Variants in ELMO1 observed in about 807,000 individuals in gnomAD.
The protein encoded by ELMO1 is engulfment and cell motility protein 1.
A neutral mutation model predicts 98.9 loss-of-function variants in ELMO1; 26 were observed. The ratio of observed to expected loss-of-function variants is 0.26; its 90% CI spans 0.19 to 0.36. ELMO1 has a LOEUF of 0.36. ELMO1 is among the 10% of genes least tolerant of loss of function. The pLI, the probability that ELMO1 is intolerant of heterozygous loss-of-function variation, is 1.00. For missense variants in ELMO1, 627 were observed against 935.2 expected, an observed-to-expected ratio of 0.67 and a Z score of 4.30; for synonymous variants, 346 against 346.0, an observed-to-expected ratio of 1.00 and a Z score of 0.00.
intron 18 of ELMO1, among the ~76,000 whole-genome samples, chr7:36,884,384 T>A (rs907238444): frequency 6.6e-6 from 1 of 152,010 alleles, no homozygotes; most frequent in Non-Finnish European, 1.5e-5. Context: ...CATTAATGAA[T>A]GTTTGATAAT....
intron 14 of ELMO1, among the ~76,000 whole-genome samples, chr7:37,127,502 CCTCT>C (rs1048633596): frequency 1.3e-5 from 2 of 152,140 alleles, no homozygotes; most frequent in African/African-American, 4.8e-5. Flanking sequence ...ACTCTCTGTA[CCTCT>C]CTAAGTCCCA....
At chr7:37,385,295 TC>T (rs1463656846) in intron 1 of ELMO1, among the ~76,000 whole-genome samples, 1 of 152,208 alleles carries the variant, frequency 6.6e-6, no homozygotes, top group Non-Finnish European at 1.5e-5. Context: ...TCCATCTGCC[TC>T]TATGGTCTGG....
chr7:37,308,036 C>T (rs952029626), intron 4 of ELMO1, among the ~76,000 whole-genome samples: 1 of 152,150 alleles, frequency 6.6e-6, no homozygotes, highest in Non-Finnish European at 1.5e-5. Flanking sequence ...TTGCTTGAGC[C>T]TGGGAGATGG....
chr7:36,989,076 C>G (rs1791696140), intron 16 of ELMO1, among the ~76,000 whole-genome samples: 1 of 152,190 alleles, frequency 6.6e-6, no homozygotes, highest in African/African-American at 2.4e-5. Context: ...ATTAATCCAG[C>G]AATTAAGAAT....
chr7:37,244,273 C>A (rs1338590515), intron 7 of ELMO1, 83 bp downstream of exon 7: 2 of 1,408,530 alleles, frequency 1.4e-6, no homozygotes, highest in African/African-American at 2.9e-5. Flanking sequence ...CATAGTTATA[C>A]AATCAGTCAG....
chr7:37,062,992 T>C (rs1296211475), intron 15 of ELMO1, among the ~76,000 whole-genome samples: 1 of 152,128 alleles, frequency 6.6e-6, no homozygotes, highest in Admixed American at 6.6e-5. Flanking sequence ...AGAGAGGGAA[T>C]AACAGACACA....
chr7:37,111,943 G>C (rs1479180637), intron 14 of ELMO1, among the ~76,000 whole-genome samples: 1 of 152,154 alleles, frequency 6.6e-6, no homozygotes, highest in East Asian at 1.9e-4. Context: ...TCATAACTGA[G>C]ATTTGTTGTA....
chr7:37,212,136 G>A (rs1467432241), intron 12 of ELMO1, among the ~76,000 whole-genome samples: 1 of 152,148 alleles, frequency 6.6e-6, no homozygotes, highest in Admixed American at 6.5e-5. Context: ...ACAGAAATAT[G>A]CATATTGTCC....
chr7:36,970,001 T>C (rs1031667539), intron 16 of ELMO1, among the ~76,000 whole-genome samples: 1 of 152,132 alleles, frequency 6.6e-6, no homozygotes, highest in Non-Finnish European at 1.5e-5. Context: ...AGTCAAACTA[T>C]ACCGATAGTA....
intron 6 of ELMO1, among the ~76,000 whole-genome samples, chr7:37,251,407 T>C (rs181311152): frequency 1.9e-4 from 29 of 152,322 alleles, no homozygotes; most frequent in South Asian, 1.0e-3. Context: ...ACTGTGCTCA[T>C]GCTCTGTCAA....
chr7:36,881,139 A>C (rs1804419360), intron 18 of ELMO1, among the ~76,000 whole-genome samples: 1 of 152,338 alleles, frequency 6.6e-6, no homozygotes, highest in Admixed American at 6.5e-5. Flanking sequence ...AAAATATTGG[A>C]AAAAGGGGCT....
At chr7:37,371,390 T>G (rs1168475328) in intron 1 of ELMO1, among the ~76,000 whole-genome samples, 1 of 152,226 alleles carries the variant, frequency 6.6e-6, no homozygotes, top group African/African-American at 2.4e-5. Context: ...AAACAATGCA[T>G]AGATGTTCTA....
In ELMO1 at chr7:36,958,704, C is replaced by T. The variant is rs573682209; in HGVS notation, c.1437+54595G>A. Reference sequence around the variant, plus strand: ...CATTTCTTCTCGTGGCACTACAAAACGCCACACTTGTTGTTTGCATACTTC... The same window carrying T: ...CATTTCTTCTCGTGGCACTACAAAATGCCACACTTGTTGTTTGCATACTTC... On this transcript the variant is annotated intron_variant, in intron 16 of 21. Transcript: ENST00000310758. Among the ~76,000 whole-genome samples, 667 of 152,206 alleles carry T rather than the reference C, an allele frequency of 4.4e-3. 11 individuals carry two copies. The highest frequency in any genetic ancestry group is 0.015 in the African/African-American group (626 of 41,528).
At chr7:36,946,086 A>G (rs1044005447) in intron 16 of ELMO1, among the ~76,000 whole-genome samples, 1 of 152,248 alleles carries the variant, frequency 6.6e-6, no homozygotes, top group Admixed American at 6.5e-5. Flanking sequence ...AGGAACAGCA[A>G]AGCTGACAGC....
At chr7:36,982,846 C>T (rs753891693) in intron 16 of ELMO1, among the ~76,000 whole-genome samples, 1 of 152,176 alleles carries the variant, frequency 6.6e-6, no homozygotes, top group Non-Finnish European at 1.5e-5. Context: ...GATGCAGTGG[C>T]TGAACCAGGA....
intron 13 of ELMO1, among the ~76,000 whole-genome samples, chr7:37,158,404 T>G (rs1166604012): frequency 1.3e-5 from 2 of 152,184 alleles, no homozygotes; most frequent in East Asian, 3.9e-4. Context: ...TTGCAATCTA[T>G]CCATCTGACA....
Position 37,173,776 on chromosome 7 carries a change from C to A in ELMO1, c.1086+37610G>T, listed in dbSNP as rs938198704. ...TTTTAAAAGGTCTCTCTTTCCTCTT[C>A]AGCCTCTACTGAGAACCACCACCCC... On this transcript the variant is annotated intron_variant, in intron 13 of 21. Transcript: ENST00000310758. Among the ~76,000 whole-genome samples, 4 of 152,350 alleles carry A rather than the reference C, an allele frequency of 2.6e-5. No individual in the cohort carries two copies. The East Asian group carries it at 7.7e-4, about 29-fold the overall frequency.
intron 16 of ELMO1, among the ~76,000 whole-genome samples, chr7:36,944,354 G>A (rs902584991): frequency 1.3e-5 from 2 of 152,198 alleles, no homozygotes; most frequent in African/African-American, 4.8e-5. Flanking sequence ...AAATGGAGAA[G>A]TTGAGATTCA....
intron 16 of ELMO1, among the ~76,000 whole-genome samples, chr7:36,933,893 C>T (rs1435004989): frequency 2.0e-5 from 3 of 152,226 alleles, no homozygotes; most frequent in Non-Finnish European, 4.4e-5. Context: ...TTGCCCGTCC[C>T]ATCTGAATGA....
Sources: allele counts gnomAD v4.1 joint callset (sites outside exome capture counted in the v4.1 genomes callset), GRCh38; gene constraint gnomAD v4.1.1; transcripts MANE v1.5; gene names NCBI Gene and HGNC (gene_info 2026-07-23, HGNC 2026-07-21).